The following CDH22 variants were observed in gnomAD, a reference collection of about 807,000 sequenced individuals.
CDH22 encodes the protein cadherin 22, also known as cadherin-22.
In CDH22, 30 loss-of-function variants were observed where a neutral mutation model predicts 58.4. That is an observed-to-expected ratio of 0.51 (90% CI 0.38 to 0.70). CDH22 has a LOEUF of 0.70. CDH22 is among the 30% of genes least tolerant of loss of function. The pLI, the probability that CDH22 is intolerant of heterozygous loss-of-function variation, is 0.00. For missense variants in CDH22, 1,014 were observed against 1,233.9 expected (o/e 0.82, Z 2.67); for synonymous variants, 513 against 558.2 (o/e 0.92, Z 1.14).
intron 4 of CDH22, among the ~76,000 whole-genome samples, chr20:46,224,373 T>G (rs1246550185): frequency 1.3e-5 from 2 of 152,186 alleles, no homozygotes; most frequent in African/African-American, 2.4e-5. Context: ...GTTGAATGAA[T>G]GAGTGAACTG....
intron 3 of CDH22, among the ~76,000 whole-genome samples, chr20:46,240,060 T>A (rs2086279020): frequency 6.6e-6 from 1 of 151,960 alleles, no homozygotes; most frequent in Non-Finnish European, 1.5e-5. Flanking sequence ...TGCAACTGAA[T>A]CTGTGTCTGG....
Position 46,186,592 on chromosome 20 carries a change from G to A in CDH22, c.1659C>T (p.Ile553=). ...TCCTAGGGTTTGGAGGCTCACCTTG[G>A]ATGTCAAGCAGAGAGAAATGAGGGT... ...PSNPHFSLLD[I]QDNTAAVHTQ... The change falls in exon 10 of 12, where the codon ATC becomes ATT. Residue 553 remains isoleucine, a synonymous_variant. Coordinates refer to ENST00000537909, the MANE Select transcript of CDH22 (RefSeq NM_021248.3). 6.2e-7 allele frequency: 1 copy of A among 1,606,566 alleles called. No individual in the cohort carries two copies. Among genetic ancestry groups the A allele is most frequent in the Non-Finnish European group, 8.5e-7 (1 of 1,174,970 alleles).
intron 4 of CDH22, among the ~76,000 whole-genome samples, chr20:46,225,849 T>C (rs566197084): frequency 6.6e-5 from 10 of 152,256 alleles, no homozygotes; most frequent in African/African-American, 2.4e-4. Context: ...ATGTATTACT[T>C]TTTTGGGGAG....
At chr20:46,219,488 AGT>A (rs139050034) in intron 4 of CDH22, among the ~76,000 whole-genome samples, 22 of 151,550 alleles carry the variant, frequency 1.5e-4, no homozygotes, top group East Asian at 1.4e-3. Flanking sequence ...AATTCTCTGT[AGT>A]GTGTGTGTGT....
At chr20:46,274,837 A>AAC (rs1386112300) in intron 1 of CDH22, among the ~76,000 whole-genome samples, 1 of 151,932 alleles carries the variant, frequency 6.6e-6, no homozygotes, top group African/African-American at 2.4e-5. Context: ...CAAAAAAAAA[A>AAC]AAACCAAAAA....
intron 7 of CDH22, among the ~76,000 whole-genome samples, chr20:46,203,274 G>GGGGAGGGAGGGAAGCAGGGAT (rs2085975155): frequency 6.6e-6 from 1 of 151,666 alleles, no homozygotes; most frequent in Non-Finnish European, 1.5e-5. Flanking sequence ...GAAGCAGGGA[G>GGGGAGGGAGGGAAGCAGGGAT]GGGTGGGAGG....
rs1391098964 is a variant in CDH22 at position 46,173,864 on chromosome 20, T to C, written c.*642A>G. The C allele has an allele frequency of 6.6e-6, 1 of 152,584 alleles. No individual in the cohort carries two copies. The highest frequency in any genetic ancestry group is 1.5e-5 in the Non-Finnish European group (1 of 68,316). 9.5% of individuals were successfully genotyped at this position (152,584 alleles called of 1,614,324 possible). ...GGTAGGTTCTGTTATTAACCCCATT[T>C]GACAGATGAGGAAACTGAGGACCAG... On this transcript the variant is annotated 3_prime_UTR_variant, in exon 12 of 12. Coordinates refer to ENST00000537909, the MANE Select transcript of CDH22 (RefSeq NM_021248.3).
In CDH22 at chr20:46,178,004, G is replaced by C. The variant is rs34603854; in HGVS notation, c.1857C>G (p.Ala619=). The C allele has an allele frequency of 1.2e-6, 2 of 1,613,918 alleles. No individual in the cohort carries two copies. Among genetic ancestry groups the C allele is most frequent in the Middle Eastern group, 1.7e-4 (1 of 6,056 alleles). ...TGAGGGCGCCGGGGCTGAGGGAGGC[G>C]GCCATGACAAAGGCCGTGGTGTTGC... ...QSCNTTAFVM[A]ASLSPGALIA... The change falls in exon 11 of 12, where the codon GCC becomes GCG. Residue 619 remains alanine (A), a synonymous_variant. Coordinates refer to ENST00000537909, the MANE Select transcript of CDH22 (RefSeq NM_021248.3).
intron 3 of CDH22, among the ~76,000 whole-genome samples, chr20:46,240,555 G>C (rs1214614649): frequency 6.6e-6 from 1 of 152,182 alleles, no homozygotes; most frequent in African/African-American, 2.4e-5. Context: ...GTCCAGCTGT[G>C]CCTGTGTAGG....
intron 4 of CDH22, among the ~76,000 whole-genome samples, chr20:46,221,548 A>G (rs2086125869): frequency 6.6e-6 from 1 of 152,160 alleles, no homozygotes; most frequent in African/African-American, 2.4e-5. Context: ...TAAACGTGAA[A>G]GCTGCAAGGT....
At chr20:46,259,573 G>A (rs894818586) in intron 1 of CDH22, among the ~76,000 whole-genome samples, 2 of 152,206 alleles carry the variant, frequency 1.3e-5, no homozygotes, top group African/African-American at 4.8e-5. Flanking sequence ...ATAAAACCTG[G>A]AAAATGGAAA....
intron 1 of CDH22, among the ~76,000 whole-genome samples, chr20:46,289,132 C>T (rs1207909007): frequency 1.3e-5 from 2 of 152,196 alleles, no homozygotes; most frequent in Non-Finnish European, 1.5e-5. Flanking sequence ...ATGATCCCAC[C>T]TTTGGGCCTT....
chr20:46,240,761 G>A (rs1568670241), intron 3 of CDH22, among the ~76,000 whole-genome samples: 1 of 152,164 alleles, frequency 6.6e-6, no homozygotes, highest in African/African-American at 2.4e-5. Context: ...CCATGGATGT[G>A]GCTGAAGTCA....
rs997015035 is a variant in CDH22, at chr20:46,190,817, C to T, written c.1424-3870G>A. ...TAATCCGGGGGGGTGGCAGGTGAAG[C>T]CCCGGGGGTCTGAGGGACCTGAGGA... On this transcript the variant is annotated intron_variant, in intron 8 of 11. Coordinates refer to ENST00000537909, the MANE Select transcript of CDH22 (RefSeq NM_021248.3). Among the ~76,000 whole-genome samples the T allele has an allele frequency of 3.6e-4, 55 of 152,070 alleles. 1 individual carries two copies. The highest frequency in any genetic ancestry group is 1.3e-3 in the African/African-American group (52 of 41,372).
intron 7 of CDH22, among the ~76,000 whole-genome samples, chr20:46,200,230 T>C (rs938527828): frequency 2.6e-5 from 4 of 152,074 alleles, no homozygotes; most frequent in Non-Finnish European, 5.9e-5. Flanking sequence ...CGCCTTGGCC[T>C]CCCAAAGTGC....
chr20:46,258,771 GCT>G (rs2145745402), intron 1 of CDH22, among the ~76,000 whole-genome samples: 2 of 152,346 alleles, frequency 1.3e-5, no homozygotes, highest in Admixed American at 1.3e-4. Context: ...TCCTGTTGAG[GCT>G]CTGTCACTCT....
At chr20:46,219,738 A>G (rs2086110401) in intron 4 of CDH22, 1 of 152,222 alleles carries the variant, frequency 6.6e-6, no homozygotes, top group South Asian at 2.1e-4. Context: ...TAATCACCTT[A>G]GGTGAATTGC....
Position 46,241,026 on chromosome 20 carries a change from C to T in CDH22, c.487G>A (p.Asp163Asn). ...EFIIKVQDIN[D>N]SEPRFLHGPY... The stretch of plus-strand genomic sequence containing the variant: ...CCGTGCAGGAAGCGGGGCTCACTGT[C>T]ATTGATGTCCTGCACCTTGATGATG... The change falls in exon 3 of 12, where the codon GAC (aspartate) becomes AAC (asparagine). Residue 163 changes from aspartate to asparagine, a missense_variant. Physicochemically the swap from Asp to Asn is conservative, Grantham distance 23 (BLOSUM62 1). Around this residue, in one of 2 missense-constraint regions of CDH22, gnomAD observed 806 missense variants for 1,038.7 expected, o/e 0.78. Coordinates refer to ENST00000537909, the MANE Select transcript of CDH22 (RefSeq NM_021248.3). The surrounding 1 kb of genome is among the most constrained non-coding windows in gnomAD (Gnocchi z 5.2). 6.2e-7 allele frequency: 1 copy of T among 1,614,096 alleles called. No individual in the cohort carries two copies. The highest frequency in any genetic ancestry group is 8.5e-7 in the Non-Finnish European group (1 of 1,179,992).
intron 7 of CDH22, among the ~76,000 whole-genome samples, chr20:46,208,121 G>C (rs1182548002): frequency 6.6e-6 from 1 of 152,196 alleles, no homozygotes; most frequent in Non-Finnish European, 1.5e-5. Flanking sequence ...TCAGCTCAGG[G>C]GTTACTCATT....
Sources: allele counts gnomAD v4.1 joint callset (sites outside exome capture counted in the v4.1 genomes callset), GRCh38; gene constraint gnomAD v4.1.1; regional missense constraint gnomAD v4.1.1; non-coding constraint Gnocchi (gnomAD v3.1); transcripts MANE v1.5; gene names NCBI Gene and HGNC (gene_info 2026-07-23, HGNC 2026-07-21).